Variants in OSBPL10 observed in about 807,000 individuals in gnomAD.
OSBPL10 encodes the protein oxysterol binding protein like 10.
A neutral mutation model predicts 81.7 loss-of-function variants in OSBPL10; 49 were observed. The ratio of observed to expected loss-of-function variants is 0.60; its 90% CI spans 0.48 to 0.76. The LOEUF is 0.76. Among genes scored for constraint, OSBPL10 ranks in the 30% least tolerant of loss-of-function variants. OSBPL10 has a pLI of 0.00. For missense variants in OSBPL10, 923 were observed against 987.8 expected, an observed-to-expected ratio of 0.93 and a Z score of 0.88; for synonymous variants, 419 against 383.6, an observed-to-expected ratio of 1.09 and a Z score of -1.08.
intron 6 of OSBPL10, chr3:31,713,786 T>A (rs1290177080): frequency 6.5e-6 from 1 of 152,680 alleles, no homozygotes; most frequent in Non-Finnish European, 1.5e-5. Context: ...TCTCCACCAT[T>A]TGCTCCTTCC....
At chr3:32,025,515 C>G (rs1699395126) in intron 2 of OSBPL10, among the ~76,000 whole-genome samples, 1 of 152,136 alleles carries the variant, frequency 6.6e-6, no homozygotes, top group Non-Finnish European at 1.5e-5. Flanking sequence ...ATGCTGCCCT[C>G]ATTGAATGAG....
At chr3:31,809,545 T>C (rs533749630) in intron 4 of OSBPL10, among the ~76,000 whole-genome samples, 86 of 152,306 alleles carry the variant, frequency 5.6e-4, no homozygotes, top group African/African-American at 2.0e-3. Context: ...AGTAGGGTGG[T>C]GGTGGACACG....
chr3:32,035,782 T>G (rs1200830904), intron 2 of OSBPL10, among the ~76,000 whole-genome samples: 1 of 152,016 alleles, frequency 6.6e-6, no homozygotes, highest in African/African-American at 2.4e-5. Flanking sequence ...AGACAGATAA[T>G]AGAAGTTAAA....
chr3:32,031,700 C>T (rs970875858), intron 2 of OSBPL10, among the ~76,000 whole-genome samples: 1 of 152,092 alleles, frequency 6.6e-6, no homozygotes, highest in African/African-American at 2.4e-5. Flanking sequence ...GTGATCCACC[C>T]ACCTCGGCCT....
At chr3:31,938,309 C>A (rs1318655034) in intron 1 of OSBPL10, among the ~76,000 whole-genome samples, 1 of 152,120 alleles carries the variant, frequency 6.6e-6, no homozygotes, top group Admixed American at 6.5e-5. Flanking sequence ...CTCACTCAAC[C>A]AAATCCCAAC....
At chr3:31,972,111 G>A (rs761703935) in intron 1 of OSBPL10, among the ~76,000 whole-genome samples, 1 of 152,206 alleles carries the variant, frequency 6.6e-6, no homozygotes, top group Non-Finnish European at 1.5e-5. Context: ...ACTCTGGGCC[G>A]GGCACAGTGG....
intron 4 of OSBPL10, chr3:31,797,660 T>C (rs1699265504): frequency 2.7e-6 from 1 of 364,526 alleles, no homozygotes; most frequent in Non-Finnish European, 5.6e-6. Flanking sequence ...TTTTTCCACA[T>C]AAAAGAGGGT....
intron 1 of OSBPL10, among the ~76,000 whole-genome samples, chr3:31,949,961 G>A (rs1319948384): frequency 6.6e-6 from 1 of 152,082 alleles, no homozygotes; most frequent in African/African-American, 2.4e-5. Flanking sequence ...GTGGGTTGAA[G>A]TAGCAATCTG....
At chr3:31,963,155 A>G (rs1415048941) in intron 1 of OSBPL10, among the ~76,000 whole-genome samples, 1 of 151,934 alleles carries the variant, frequency 6.6e-6, no homozygotes, top group Admixed American at 6.6e-5. Context: ...GTTTGCGTAC[A>G]TCTGCTTTAT....
At chr3:31,813,424 T>C (rs1178597998) in intron 4 of OSBPL10, among the ~76,000 whole-genome samples, 2 of 152,204 alleles carry the variant, frequency 1.3e-5, no homozygotes, top group Non-Finnish European at 2.9e-5. Context: ...TATTAGCTCA[T>C]GCAGAGGCAG....
intron 4 of OSBPL10, among the ~76,000 whole-genome samples, chr3:31,825,595 G>A (rs1036156126): frequency 2.0e-5 from 3 of 152,134 alleles, no homozygotes; most frequent in Admixed American, 1.3e-4. Context: ...GGGATTACAG[G>A]CGTGATTCAC....
chr3:32,030,939 G>T (rs1036640238), intron 2 of OSBPL10, among the ~76,000 whole-genome samples: 2 of 152,062 alleles, frequency 1.3e-5, no homozygotes, highest in Non-Finnish European at 2.9e-5. Flanking sequence ...GCCGAGGCGG[G>T]TGGATCACCT....
intron 3 of OSBPL10, among the ~76,000 whole-genome samples, chr3:31,875,412 TAAAG>T (rs1701425911): frequency 6.6e-6 from 1 of 151,990 alleles, no homozygotes; most frequent in South Asian, 2.1e-4. Flanking sequence ...TCTTGGAAAA[TAAAG>T]AAGGCCAATT....
At chr3:31,732,929 T>C (rs1697023924) in intron 6 of OSBPL10, 1 of 341,624 alleles carries the variant, frequency 2.9e-6, no homozygotes. Flanking sequence ...CATAATATAT[T>C]GTAACTGCTC....
chr3:31,949,667 C>CAAAAAAAAAAAA (rs56002214), intron 1 of OSBPL10, among the ~76,000 whole-genome samples: 4 of 26,230 alleles, frequency 1.5e-4, no homozygotes, highest in African/African-American at 5.0e-4. Context: ...GACTCTGTCT[C>CAAAAAAAAAAAA]AAAAAAAAAA....
chr3:31,933,680 G>T (rs1299583125), intron 1 of OSBPL10, among the ~76,000 whole-genome samples: 1 of 152,050 alleles, frequency 6.6e-6, no homozygotes, highest in African/African-American at 2.4e-5. Context: ...AAAGTGCCGG[G>T]ATTACAGGAT....
At chr3:32,077,089 G>T (rs1699882380) in intron 1 of OSBPL10, among the ~76,000 whole-genome samples, 1 of 152,140 alleles carries the variant, frequency 6.6e-6, no homozygotes, top group Non-Finnish European at 1.5e-5. Flanking sequence ...GGCAAGAAAG[G>T]GGTTTGTTTT....
intron 3 of OSBPL10, among the ~76,000 whole-genome samples, chr3:31,873,318 AGAG>A (rs1354299995): frequency 3.9e-5 from 6 of 152,324 alleles, no homozygotes; most frequent in South Asian, 2.1e-4. Flanking sequence ...TTTGAAAAAA[AGAG>A]TAGTCGTTTA....
At chr3:32,025,586 T>C (rs1699395557) in intron 2 of OSBPL10, among the ~76,000 whole-genome samples, 1 of 152,206 alleles carries the variant, frequency 6.6e-6, no homozygotes, top group East Asian at 1.9e-4. Context: ...TAGTATTTGT[T>C]ATTTAAATAT....
Sources: allele counts gnomAD v4.1 joint callset (sites outside exome capture counted in the v4.1 genomes callset), GRCh38; gene constraint gnomAD v4.1.1; transcripts MANE v1.5; gene names NCBI Gene and HGNC (gene_info 2026-07-23, HGNC 2026-07-21).